SSBP3: variants seen among roughly 807,000 people sequenced by gnomAD.
SSBP3 encodes the protein single-stranded DNA-binding protein 3.
A neutral mutation model predicts 69.6 loss-of-function variants in SSBP3; 5 were observed. The ratio of observed to expected loss-of-function variants is 0.07; its 90% CI spans 0.04 to 0.15. The LOEUF (loss-of-function observed/expected upper bound fraction) is 0.15, where lower values mean the gene tolerates loss of function less well. Ranked by LOEUF, SSBP3 falls within the 10% of genes least tolerant of loss-of-function variation. The pLI, the probability that SSBP3 is intolerant of heterozygous loss-of-function variation, is 1.00. For missense variants in SSBP3, 312 were observed against 534.0 expected, an observed-to-expected ratio of 0.58 and a Z score of 4.10; for synonymous variants, 196 against 193.4, an observed-to-expected ratio of 1.01 and a Z score of -0.11.
At chr1:54,246,857 G>GC (rs1644742725) in intron 9 of SSBP3, among the ~76,000 whole-genome samples, 1 of 152,266 alleles carries the variant, frequency 6.6e-6, no homozygotes, top group African/African-American at 2.4e-5. Context: ...GGGCAGGAAT[G>GC]CCCAGAAGTT....
chr1:54,404,729 C>T, intron 2 of SSBP3, 92 bp from the exon 3 acceptor site: 2 of 1,448,666 alleles, frequency 1.4e-6, no homozygotes, highest in South Asian at 1.1e-5. Context: ...GACCAACTAA[C>T]AATAAATGCC....
chr1:54,306,590 T>C (rs1645905525), intron 4 of SSBP3, among the ~76,000 whole-genome samples: 1 of 152,198 alleles, frequency 6.6e-6, no homozygotes, highest in Non-Finnish European at 1.5e-5. Flanking sequence ...GCCACTGGTA[T>C]TATCATTAGA....
intron 4 of SSBP3, among the ~76,000 whole-genome samples, chr1:54,394,925 G>T (rs933575821): frequency 6.6e-6 from 1 of 151,360 alleles, no homozygotes; most frequent in South Asian, 2.1e-4. Context: ...GGATGGTCTC[G>T]ATCTCCTGAA....
At chr1:54,382,338 G>A (rs1208584480) in intron 4 of SSBP3, among the ~76,000 whole-genome samples, 2 of 152,224 alleles carry the variant, frequency 1.3e-5, no homozygotes, top group Non-Finnish European at 1.5e-5. Flanking sequence ...GCCTCCCAAA[G>A]TGCTAGAATT....
chr1:54,226,067 C>T (rs546757394), exon 18 of SSBP3: 4 of 152,346 alleles, frequency 2.6e-5, no homozygotes, highest in South Asian at 2.1e-4. Flanking sequence ...GACCAGAACG[C>T]GGAGGTCACT....
At chr1:54,377,817 C>T (rs894400598) in intron 4 of SSBP3, among the ~76,000 whole-genome samples, 1 of 151,962 alleles carries the variant, frequency 6.6e-6, no homozygotes, top group African/African-American at 2.4e-5. Flanking sequence ...ACACTGATAA[C>T]AAAAACGCAT....
intron 4 of SSBP3, among the ~76,000 whole-genome samples, chr1:54,391,643 G>A (rs914577494): frequency 2.0e-5 from 3 of 152,194 alleles, no homozygotes; most frequent in Non-Finnish European, 2.9e-5. Flanking sequence ...GCTTCTTAAG[G>A]TCAGAGGACT....
chr1:54,300,207 C>T (rs191917665), intron 4 of SSBP3, among the ~76,000 whole-genome samples: 1 of 152,320 alleles, frequency 6.6e-6, no homozygotes, highest in Admixed American at 6.5e-5. Context: ...TCCAACTCAA[C>T]AGCCCTACAG....
intron 4 of SSBP3, among the ~76,000 whole-genome samples, chr1:54,360,309 C>T (rs1304240158): frequency 2.6e-5 from 4 of 152,240 alleles, no homozygotes; most frequent in African/African-American, 4.8e-5. Flanking sequence ...TTGAGCTCCC[C>T]GAAGATCAGA....
intron 5 of SSBP3, among the ~76,000 whole-genome samples, chr1:54,278,677 A>G (rs187442234): frequency 1.1e-3 from 161 of 152,338 alleles, no homozygotes; most frequent in African/African-American, 3.8e-3. Context: ...TCCTGACCTG[A>G]AAACTGGGCT....
intron 4 of SSBP3, among the ~76,000 whole-genome samples, chr1:54,310,828 TG>T (rs946226377): frequency 2.6e-5 from 4 of 152,022 alleles, no homozygotes; most frequent in Non-Finnish European, 5.9e-5. Context: ...CCTGTGAGGA[TG>T]GGGGGAGAAC....
chr1:54,240,078 G>T (rs1439537484), intron 13 of SSBP3, among the ~76,000 whole-genome samples: 1 of 20,840 alleles, frequency 4.8e-5, no homozygotes, highest in African/African-American at 3.0e-4. Context: ...GTGTGTGTGT[G>T]TGTGTGTGTG....
intron 4 of SSBP3, among the ~76,000 whole-genome samples, chr1:54,383,665 T>C (rs1647854720): frequency 6.6e-6 from 1 of 152,170 alleles, no homozygotes; most frequent in Non-Finnish European, 1.5e-5. Context: ...AAAATATTTC[T>C]ACAGAGCTAT....
chr1:54,357,231 T>TA (rs1015317728), intron 4 of SSBP3, among the ~76,000 whole-genome samples: 1 of 152,016 alleles, frequency 6.6e-6, no homozygotes, highest in African/African-American at 2.4e-5. Context: ...GGACGCTAAT[T>TA]AAAGGCTTTG....
intron 4 of SSBP3, among the ~76,000 whole-genome samples, chr1:54,308,429 G>A (rs189898624): frequency 5.9e-5 from 9 of 152,112 alleles, no homozygotes; most frequent in Admixed American, 3.9e-4. Context: ...GTGAAACCCC[G>A]TCTCTACTAA....
At chr1:54,404,952 A>G (rs375389685) in intron 1 of SSBP3, 22 bp from the exon 2 acceptor site, 28 of 1,607,112 alleles carry the variant, frequency 1.7e-5, no homozygotes, top group Non-Finnish European at 2.3e-5. Flanking sequence ...ACAGGGGGCA[A>G]AGAGAGAGAG....
intron 5 of SSBP3, among the ~76,000 whole-genome samples, chr1:54,276,608 C>CAAAAAAAAAAAA (rs746933473): frequency 8.5e-5 from 3 of 35,214 alleles, no homozygotes; most frequent in African/African-American, 4.5e-4. Flanking sequence ...GACTCTGTCT[C>CAAAAAAAAAAAA]AAAAAAAAAA....
At chr1:54,274,769 C>G (rs1428760488) in intron 5 of SSBP3, among the ~76,000 whole-genome samples, 2 of 152,160 alleles carry the variant, frequency 1.3e-5, no homozygotes, top group African/African-American at 4.8e-5. Flanking sequence ...CGCGTTGCTC[C>G]CCTTATTAGG....
chr1:54,289,040 A>AAAAAAAC, intron 4 of SSBP3, among the ~76,000 whole-genome samples: 1 of 53,830 alleles, frequency 1.9e-5, no homozygotes, highest in East Asian at 2.1e-4. Flanking sequence ...AAAAAAACAA[A>AAAAAAAC]AAAACAAAAA....
Sources: gnomAD v4.1 joint callset for allele counts (sites outside exome capture counted in the v4.1 genomes callset) on GRCh38, gnomAD v4.1.1 for gene constraint, MANE v1.5 for transcripts, NCBI Gene and HGNC (gene_info 2026-07-23, HGNC 2026-07-21) for gene names.